The following TIAM2 variants were observed in gnomAD, a reference collection of about 807,000 sequenced individuals.
TIAM2 encodes rho guanine nucleotide exchange factor TIAM2.
TIAM2 carries 80 observed loss-of-function variants against 152.9 expected under a neutral mutation model. That is an observed-to-expected ratio of 0.52 (90% CI 0.44 to 0.63). TIAM2 has a LOEUF of 0.63. Ranked by LOEUF, TIAM2 falls within the 30% of genes least tolerant of loss-of-function variation. The pLI is 0.00. For missense variants in TIAM2, 1,965 were observed against 2,120.1 expected, an observed-to-expected ratio of 0.93 and a Z score of 1.44; for synonymous variants, 804 against 838.0, an observed-to-expected ratio of 0.96 and a Z score of 0.70.
chr6:155,108,765 T>C (rs1778758792), intron 2 of TIAM2, among the ~76,000 whole-genome samples: 1 of 151,890 alleles, frequency 6.6e-6, no homozygotes, highest in African/African-American at 2.4e-5. Context: ...TGGTCTGAGA[T>C]TGTGTTTGAG....
intron 2 of TIAM2, among the ~76,000 whole-genome samples, chr6:155,104,058 C>CCACACA (rs1562316989): frequency 1.8e-4 from 11 of 60,318 alleles, no homozygotes; most frequent in African/African-American, 6.8e-4. Context: ...CCCCACACCC[C>CCACACA]CACACACCCC....
rs1406460012 is a variant in TIAM2 at position 155,069,701 on chromosome 6, T to G, written c.-208-20588T>G. On this transcript the variant is annotated intron_variant, in intron 1 of 26. Coordinates refer to ENST00000682666, the MANE Select transcript of TIAM2 (RefSeq NM_012454.4). ...AGTATTTTGCATAGCAGCTAAAATA[T>G]ATTAGAAAAATGACAACAAATTCAG... is the stretch of plus-strand genomic sequence containing the variant. 2.0e-5 allele frequency among the ~76,000 whole-genome samples: 3 copies of G among 152,302 alleles called. No homozygotes were observed. The East Asian group carries it at 5.8e-4, about 29-fold the overall frequency.
chr6:155,006,671 C>T (rs376810952), intron 1 of TIAM2, among the ~76,000 whole-genome samples: 27 of 148,784 alleles, frequency 1.8e-4, no homozygotes, highest in African/African-American at 6.4e-4. Context: ...GTCTCCCCCA[C>T]CTCCCCCCAC....
intron 16 of TIAM2, among the ~76,000 whole-genome samples, chr6:155,242,422 G>GT (rs1783086393): frequency 6.6e-6 from 1 of 152,222 alleles, no homozygotes; most frequent in African/African-American, 2.4e-5. Flanking sequence ...ATATGATTCA[G>GT]TAACTTCCAT....
At position 155,257,442 on chromosome 6, in the gene TIAM2, T is replaced by C. The variant is rs1583301213; in HGVS notation, c.*321T>C. Reference sequence around the variant, plus strand: ...GTAAGGCTGGGGAAGTCGTGATTAATAGTTTTCAAAGGGCCATTTTTTAAA... The same window carrying C: ...GTAAGGCTGGGGAAGTCGTGATTAACAGTTTTCAAAGGGCCATTTTTTAAA... On this transcript the variant is annotated 3_prime_UTR_variant, in exon 27 of 27. Coordinates refer to ENST00000682666, the MANE Select transcript of TIAM2 (RefSeq NM_012454.4). 3 of 343,678 alleles carry C rather than the reference T, an allele frequency of 8.7e-6. No homozygotes were observed. The highest frequency in any genetic ancestry group is 7.1e-5 in the South Asian group (2 of 28,008). The allele number at this position is 343,678 out of a possible 1,614,324, so 21.3% of individuals were successfully genotyped here.
intron 1 of TIAM2, among the ~76,000 whole-genome samples, chr6:155,060,941 C>T (rs1322440387): frequency 1.3e-5 from 2 of 152,284 alleles, no homozygotes; most frequent in Non-Finnish European, 2.9e-5. Flanking sequence ...CACTTTTGGG[C>T]TAGCTCTTGT....
intron 2 of TIAM2, among the ~76,000 whole-genome samples, chr6:155,110,204 T>C (rs922023191): frequency 3.9e-5 from 6 of 151,948 alleles, no homozygotes; most frequent in Non-Finnish European, 7.4e-5. Flanking sequence ...CCGCCCGCCT[T>C]GAACTCCCAA....
intron 1 of TIAM2, among the ~76,000 whole-genome samples, chr6:154,998,033 G>A (rs1778249500): frequency 6.6e-6 from 1 of 152,132 alleles, no homozygotes; most frequent in South Asian, 2.1e-4. Context: ...GCTTCAGTTT[G>A]CTTTATCTTA....
At chr6:155,108,686 G>A (rs1166723515) in intron 2 of TIAM2, among the ~76,000 whole-genome samples, 1 of 152,064 alleles carries the variant, frequency 6.6e-6, no homozygotes, top group Non-Finnish European at 1.5e-5. Context: ...CTTGTGAAGA[G>A]ATTAGTTTTC....
intron 10 of TIAM2, among the ~76,000 whole-genome samples, chr6:155,177,247 A>G (rs1476845866): frequency 1.3e-5 from 2 of 152,222 alleles, no homozygotes; most frequent in East Asian, 3.8e-4. Context: ...GTATACTTTG[A>G]TATCTAGAAT....
chr6:155,122,605 A>G (rs1779193474), intron 2 of TIAM2, among the ~76,000 whole-genome samples: 2 of 152,114 alleles, frequency 1.3e-5, no homozygotes, highest in South Asian at 4.1e-4. Flanking sequence ...TCCCGTAAAT[A>G]AAAAATAATT....
chr6:155,076,836 CA>C (rs1777972046), intron 1 of TIAM2, among the ~76,000 whole-genome samples: 1 of 152,176 alleles, frequency 6.6e-6, no homozygotes, highest in Non-Finnish European at 1.5e-5. Flanking sequence ...GCTGGGATTA[CA>C]TGCGTGTACC....
Position 155,059,329 on chromosome 6 carries a change from C to CGT in TIAM2, c.-208-30957_-208-30956dup, listed in dbSNP as rs1554227496. On this transcript the variant is annotated intron_variant, in intron 1 of 26. Transcript: ENST00000682666. Reference sequence around the variant, plus strand: ...GTGTGTGTGTGTGTGTGTGTGTGCGCGTGTATGTTTTTGAGACAGAGTCTC... The same window carrying CGT: ...GTGTGTGTGTGTGTGTGTGTGTGCGCGTGTGTATGTTTTTGAGACAGAGTCTC... 1.2e-3 allele frequency among the ~76,000 whole-genome samples: 181 copies of CGT among 149,406 alleles called. 2 individuals are homozygous for CGT. The highest frequency in any genetic ancestry group is 6.9e-3 in the Middle Eastern group (2 of 288).
At chr6:155,005,020 C>T (rs1778375927) in intron 1 of TIAM2, 2 of 515,638 alleles carry the variant, frequency 3.9e-6, no homozygotes, top group South Asian at 3.9e-5. Flanking sequence ...AGGCAGAAGG[C>T]AGTCATGGAG....
Position 155,172,670 on chromosome 6 carries a change from ATATATATATATATATATTTTTTTTTTTT to A in TIAM2, c.2362-4144_2362-4117del, listed in dbSNP as rs1259599195. On this transcript the variant is annotated intron_variant, in intron 9 of 26. Transcript: ENST00000682666. ...TATATATATATATATATATATATAT[ATATATATATATATATATTTTTTTTTTTT>A]TTTTTTTTTTTTTTCTTTGATGGGA... Among the ~76,000 whole-genome samples, 42 of 9,800 alleles carry A rather than the reference ATATATATATATATATATTTTTTTTTTTT, an allele frequency of 4.3e-3. 1 individual carries two copies. Among genetic ancestry groups the A allele is most frequent in the African/African-American group, 4.7e-3 (15 of 3,204 alleles). The allele number at this position is 9,800 out of a possible 152,430, so 6.4% of individuals were successfully genotyped here.
At chr6:155,121,124 A>G (rs1452577774) in intron 2 of TIAM2, among the ~76,000 whole-genome samples, 4 of 152,022 alleles carry the variant, frequency 2.6e-5, no homozygotes, top group Admixed American at 6.6e-5. Flanking sequence ...ATTTAATTTA[A>G]TAATAGATAA....
chr6:155,208,786 G>A (rs1207894424), intron 14 of TIAM2, among the ~76,000 whole-genome samples: 1 of 151,974 alleles, frequency 6.6e-6, no homozygotes, highest in African/African-American at 2.4e-5. Context: ...GTGATCTTCT[G>A]GTCCTTACAC....
chr6:155,232,572 C>G (rs1782525952), intron 15 of TIAM2: 3 of 152,222 alleles, frequency 2.0e-5, no homozygotes, highest in African/African-American at 4.8e-5. Flanking sequence ...AACCCTAGTT[C>G]TTCTGACTGA....
intron 1 of TIAM2, among the ~76,000 whole-genome samples, chr6:155,070,217 T>TC (rs917828669): frequency 8.4e-6 from 1 of 119,490 alleles, no homozygotes; most frequent in African/African-American, 3.4e-5. Context: ...GACTTTTTTT[T>TC]TTTTTTTTTT....
Sources: gnomAD v4.1 joint callset for allele counts (sites outside exome capture counted in the v4.1 genomes callset) on GRCh38, gnomAD v4.1.1 for gene constraint, MANE v1.5 for transcripts, NCBI Gene and HGNC (gene_info 2026-07-23, HGNC 2026-07-21) for gene names.